Variants in SGCD observed in about 807,000 individuals in gnomAD.
SGCD encodes delta-sarcoglycan.
In SGCD, 18 loss-of-function variants were observed where a neutral mutation model predicts 36.6. The observed-to-expected ratio is 0.49, with a 90% confidence interval of 0.34 to 0.73. The LOEUF is 0.73. Ranked by LOEUF, SGCD falls within the 30% of genes least tolerant of loss-of-function variation. The pLI is 0.01. For synonymous variants in SGCD, 133 were observed against 130.6 expected (o/e 1.02, Z -0.12); for missense variants, 387 against 346.7 (o/e 1.12, Z -0.92).
At position 156,215,710 on chromosome 5, in the gene SGCD, G is replaced by A. The variant is rs185666386; in HGVS notation, c.-44+91691G>A. Among the ~76,000 whole-genome samples, 3 of 152,218 alleles carry A rather than the reference G, an allele frequency of 2.0e-5. No individual in the cohort carries two copies. The East Asian group carries it at 5.8e-4, about 29-fold the overall frequency. ...TATGAAAAAAGTGAGGATGTAGAGA[G>A]GGAACCCCCACACATGGTGGGAATA... On this transcript the variant is annotated intron_variant, in intron 3 of 9. Transcript: ENST00000517913.
chr5:156,584,062 G>C (rs532902838), intron 4 of SGCD, among the ~76,000 whole-genome samples: 1 of 152,060 alleles, frequency 6.6e-6, no homozygotes, highest in Non-Finnish European at 1.5e-5. Flanking sequence ...AGAAACAAAC[G>C]TTTTCTTACA....
intron 7 of SGCD, among the ~76,000 whole-genome samples, chr5:156,690,158 G>A (rs1754055954): frequency 6.6e-6 from 1 of 152,170 alleles, no homozygotes; most frequent in Admixed American, 6.6e-5. Context: ...TAGAAGGTAA[G>A]TACTATACTA....
chr5:156,339,958 A>C (rs889354231), intron 2 of SGCD, among the ~76,000 whole-genome samples: 8 of 152,288 alleles, frequency 5.3e-5, no homozygotes, highest in African/African-American at 9.6e-5. Flanking sequence ...TGCCATTATC[A>C]CTTTCTGTAT....
chr5:156,571,146 A>G (rs1235555614), intron 4 of SGCD, among the ~76,000 whole-genome samples: 1 of 152,130 alleles, frequency 6.6e-6, no homozygotes, highest in East Asian at 1.9e-4. Context: ...CCAGGGTTCA[A>G]GTGATTCTCC....
intron 1 of SGCD, among the ~76,000 whole-genome samples, chr5:156,328,349 C>T (rs1040434518): frequency 5.9e-5 from 9 of 152,148 alleles, no homozygotes; most frequent in Non-Finnish European, 1.0e-4. Context: ...TTTTTCCGAA[C>T]GGGGCTTGGC....
the SGCD span, among the ~76,000 whole-genome samples, chr5:155,795,401 T>C: frequency 6.8e-6 from 1 of 147,080 alleles, no homozygotes; most frequent in Admixed American, 6.6e-5. Flanking sequence ...AATTTACCAA[T>C]AGTGGTAAAA....
intron 6 of SGCD, among the ~76,000 whole-genome samples, chr5:156,620,947 G>C (rs992395599): frequency 2.0e-5 from 3 of 152,160 alleles, no homozygotes; most frequent in Non-Finnish European, 2.9e-5. Context: ...AAAGAGAAAA[G>C]AATTATAGTT....
intron 1 of SGCD, among the ~76,000 whole-genome samples, chr5:155,912,395 A>G (rs1756648229): frequency 6.6e-6 from 1 of 152,198 alleles, no homozygotes; most frequent in Non-Finnish European, 1.5e-5. Context: ...ACACACCAAC[A>G]GAGAAAATGC....
chr5:156,225,215 A>G (rs1764821232), intron 3 of SGCD, among the ~76,000 whole-genome samples: 1 of 152,132 alleles, frequency 6.6e-6, no homozygotes, highest in South Asian at 2.1e-4. Flanking sequence ...GAACTTTAGT[A>G]TCCAGTACAA....
intron 7 of SGCD, among the ~76,000 whole-genome samples, chr5:156,720,931 T>G (rs997672291): frequency 6.6e-6 from 1 of 152,098 alleles, no homozygotes; most frequent in African/African-American, 2.4e-5. Context: ...TGGACTAGGA[T>G]GGCAGCAGTA....
At chr5:156,321,879 T>G (rs999483742), upstream of SGCD, among the ~76,000 whole-genome samples, 1 of 152,208 alleles carries the variant, frequency 6.6e-6, no homozygotes, top group African/African-American at 2.4e-5. Context: ...GCTTTACAGT[T>G]TTATGATTGA....
upstream of SGCD, among the ~76,000 whole-genome samples, chr5:155,865,482 G>T (rs2113262056): frequency 6.6e-6 from 1 of 152,240 alleles, no homozygotes; most frequent in East Asian, 1.9e-4. Flanking sequence ...GCAGATAATT[G>T]TGAATGTTGT....
chr5:156,148,924 C>T lies in SGCD; in HGVS notation c.-44+24905C>T, dbSNP rs543867659. Among the ~76,000 whole-genome samples, 5 of 152,270 alleles carry T rather than the reference C, an allele frequency of 3.3e-5. No individual in the cohort carries two copies. In the East Asian group the frequency reaches 5.8e-4, roughly 18 times the overall value. The stretch of plus-strand genomic sequence containing the variant: ...GGTATATCCGCAAGAGTGCTTTTAT[C>T]GTTCCATCAGACTTCAGGGTCTGAG... On this transcript the variant is annotated intron_variant, in intron 3 of 9. Transcript: ENST00000517913.
chr5:156,269,297 G>C, intron 3 of SGCD, among the ~76,000 whole-genome samples: 1 of 151,460 alleles, frequency 6.6e-6, no homozygotes, highest in East Asian at 2.0e-4. Flanking sequence ...GTGAAACCCT[G>C]TCTCTACTAA....
chr5:155,790,057 A>C, the SGCD span, among the ~76,000 whole-genome samples: 66 of 152,216 alleles, frequency 4.3e-4, no homozygotes, highest in Admixed American at 1.2e-3. Flanking sequence ...CTGAAAAAAA[A>C]TGCATATGAT....
chr5:156,724,313 A>G (rs781553988), intron 7 of SGCD, among the ~76,000 whole-genome samples: 1 of 152,222 alleles, frequency 6.6e-6, no homozygotes, highest in Admixed American at 6.5e-5. Context: ...ATAAGAAAAT[A>G]TAACTAGATA....
the SGCD span, among the ~76,000 whole-genome samples, chr5:155,842,650 TG>T: frequency 6.6e-6 from 1 of 152,152 alleles, no homozygotes; most frequent in South Asian, 2.1e-4. Context: ...TGTCTAGTGG[TG>T]GGGGCATATA....
At chr5:155,971,558 AT>A (rs1340858099) in intron 1 of SGCD, among the ~76,000 whole-genome samples, 2 of 152,132 alleles carry the variant, frequency 1.3e-5, no homozygotes, top group African/African-American at 4.8e-5. Flanking sequence ...GTTTCATAAG[AT>A]TGGCAGACAA....
At chr5:156,633,556 G>A (rs146846570) in intron 6 of SGCD, among the ~76,000 whole-genome samples, 1 of 152,270 alleles carries the variant, frequency 6.6e-6, no homozygotes. Flanking sequence ...ACCTTTCTGT[G>A]CTTCAGTTTC....
Sources: allele counts gnomAD v4.1 joint callset (sites outside exome capture counted in the v4.1 genomes callset), GRCh38; gene constraint gnomAD v4.1.1; transcripts MANE v1.5; gene names NCBI Gene and HGNC (gene_info 2026-07-23, HGNC 2026-07-21).